The following PSME4 variants were observed in gnomAD, a reference collection of about 807,000 sequenced individuals.
PSME4 encodes the protein proteasome activator subunit 4, also known as proteasome activator complex subunit 4.
PSME4 carries 89 observed loss-of-function variants against 253.9 expected under a neutral mutation model. The ratio of observed to expected loss-of-function variants is 0.35; its 90% CI spans 0.30 to 0.42. The LOEUF (loss-of-function observed/expected upper bound fraction) is 0.42, where lower values mean the gene tolerates loss of function less well. PSME4 is among the 10% of genes least tolerant of loss of function. The pLI, the probability that PSME4 is intolerant of heterozygous loss-of-function variation, is 1.00. For missense variants in PSME4, 2,014 were observed against 2,195.2 expected, an observed-to-expected ratio of 0.92 and a Z score of 1.65; for synonymous variants, 851 against 759.2, an observed-to-expected ratio of 1.12 and a Z score of -1.99.
chr2:53,937,133 T>C (rs1383797385), intron 5 of PSME4, among the ~76,000 whole-genome samples: 2 of 152,200 alleles, frequency 1.3e-5, no homozygotes, highest in African/African-American at 4.8e-5. Flanking sequence ...TCCTTTTATC[T>C]GTTTTCCTGT....
chr2:53,868,496 T>A (rs1168391315), intron 44 of PSME4, among the ~76,000 whole-genome samples: 4 of 36,526 alleles, frequency 1.1e-4, no homozygotes, highest in Non-Finnish European at 2.0e-4. Flanking sequence ...TATATATATA[T>A]GATATATATT....
chr2:53,948,661 C>A, intron 2 of PSME4, 124 bp from the exon 3 acceptor site: 1 of 669,768 alleles, frequency 1.5e-6, no homozygotes, highest in Non-Finnish European at 2.6e-6. Context: ...CTTTCCCCAT[C>A]CATGGCCACT....
At chr2:53,914,577 T>C (rs954373523) in intron 20 of PSME4, among the ~76,000 whole-genome samples, 2 of 152,198 alleles carry the variant, frequency 1.3e-5, no homozygotes, top group African/African-American at 4.8e-5. Flanking sequence ...CTGTAAAGTT[T>C]ATAGTAAGTA....
At chr2:53,887,558 T>A in intron 39 of PSME4, 91 bp from the exon 40 acceptor site, 1 of 1,183,602 alleles carries the variant, frequency 8.4e-7, no homozygotes, top group Non-Finnish European at 1.2e-6. Flanking sequence ...AAGTAAACTG[T>A]CCCAAGACAA....
At chr2:53,952,093 A>G (rs144350508) in intron 1 of PSME4, among the ~76,000 whole-genome samples, 1,580 of 152,330 alleles carry the variant, frequency 0.01, 16 homozygotes, top group Non-Finnish European at 0.015. Flanking sequence ...GACAGAAGAC[A>G]TCAAAGAAAA....
At position 53,936,812 on chromosome 2, in the gene PSME4, T is replaced by C; in HGVS notation, c.711A>G (p.Glu237=). ...GCACTGAAACCCAAAGGCCAATTAA[T>C]TCATCAAACCAAAGTCTAAAGAAGA... ...HHKGFKLWFD[E]LIGLWVSVQN... is the part of the protein sequence containing the mutation. Residue 237 remains glutamate (E), a synonymous_variant, in exon 6 of 47, where the codon GAA becomes GAG. Transcript: ENST00000404125. 6.3e-7 allele frequency: 1 copy of C among 1,596,766 alleles called. No homozygotes were observed. The highest frequency in any genetic ancestry group is 8.5e-7 in the Non-Finnish European group (1 of 1,172,018).
intron 41 of PSME4, among the ~76,000 whole-genome samples, chr2:53,881,279 T>G (rs548855787): frequency 3.9e-5 from 6 of 152,234 alleles, no homozygotes; most frequent in Non-Finnish European, 8.8e-5. Flanking sequence ...CCACAATATC[T>G]GTACATTCTT....
intron 1 of PSME4, among the ~76,000 whole-genome samples, chr2:53,954,236 G>A (rs967218382): frequency 6.6e-6 from 1 of 152,158 alleles, no homozygotes; most frequent in African/African-American, 2.4e-5. Flanking sequence ...TCTGAGGCAG[G>A]AGAATCGCTT....
intron 11 of PSME4, 63 bp from the exon 12 acceptor site, chr2:53,927,546 C>A: frequency 8.9e-7 from 1 of 1,123,684 alleles, no homozygotes; most frequent in South Asian, 1.3e-5. Context: ...ACAAGTATAC[C>A]ATGAACTACA....
intron 14 of PSME4, among the ~76,000 whole-genome samples, 187 bp downstream of exon 14, chr2:53,925,352 T>G (rs1668516044): frequency 6.6e-6 from 1 of 152,162 alleles, no homozygotes; most frequent in African/African-American, 2.4e-5. Flanking sequence ...TGCAAATAGT[T>G]AGAGCAAACA....
At chr2:53,867,501 G>GAAAAAAAAAAAAAAA (rs1223931718) in intron 44 of PSME4, among the ~76,000 whole-genome samples, 1 of 113,442 alleles carries the variant, frequency 8.8e-6, no homozygotes, top group Non-Finnish European at 1.7e-5. Flanking sequence ...TCCGTCTCAA[G>GAAAAAAAAAAAAAAA]GAAAAAAAAA....
chr2:53,945,199 C>G (rs1011444104), intron 3 of PSME4, among the ~76,000 whole-genome samples: 7 of 152,116 alleles, frequency 4.6e-5, no homozygotes, highest in Non-Finnish European at 5.9e-5. Context: ...GTAGCAACAC[C>G]ATTAGTATGT....
At chr2:53,970,111 G>A (rs1337395527) in intron 1 of PSME4, among the ~76,000 whole-genome samples, 1 of 152,198 alleles carries the variant, frequency 6.6e-6, no homozygotes, top group Non-Finnish European at 1.5e-5. Flanking sequence ...CGTAGGGGAA[G>A]GAAGAACCGG....
intron 45 of PSME4, among the ~76,000 whole-genome samples, chr2:53,866,464 T>C (rs940203515): frequency 1.3e-5 from 2 of 152,168 alleles, no homozygotes; most frequent in Non-Finnish European, 2.9e-5. Context: ...GCTAGAAAAA[T>C]AGAAACATAA....
intron 41 of PSME4, among the ~76,000 whole-genome samples, chr2:53,884,688 G>A (rs954045851): frequency 8.6e-5 from 13 of 151,994 alleles, no homozygotes; most frequent in African/African-American, 1.9e-4. Context: ...TTCTATATCC[G>A]CTTGGTATGT....
chr2:53,963,257 T>C (rs1029243009), intron 1 of PSME4, among the ~76,000 whole-genome samples: 1 of 151,600 alleles, frequency 6.6e-6, no homozygotes, highest in Non-Finnish European at 1.5e-5. Context: ...GGCCAGGAGC[T>C]CAAGGTTAAA....
intron 1 of PSME4, among the ~76,000 whole-genome samples, chr2:53,966,989 A>G (rs1200748700): frequency 1.3e-5 from 2 of 152,118 alleles, no homozygotes; most frequent in African/African-American, 4.8e-5. Context: ...TAACAAAATC[A>G]AGTTTTAAGA....
intron 1 of PSME4, among the ~76,000 whole-genome samples, chr2:53,958,212 C>T (rs973252501): frequency 1.3e-5 from 2 of 149,884 alleles, no homozygotes; most frequent in African/African-American, 4.9e-5. Flanking sequence ...AAAAATTAGC[C>T]GGGCATGGTG....
chr2:53,887,965 G>C lies in PSME4; in HGVS notation c.4413C>G (p.Gly1471=). The C allele has an allele frequency of 6.2e-7, 1 of 1,612,558 alleles. No individual in the cohort carries two copies. The highest frequency in any genetic ancestry group is 8.5e-7 in the Non-Finnish European group (1 of 1,179,206). ...GCACTCTCCATTCTTGCTGGGCAAG[G>C]CCACCTTGTAGTACATAAAGTCGAC... is the stretch of plus-strand genomic sequence containing the variant. ...DACRLYVLQG[G]LAQQEWRVPE... is the part of the protein sequence containing the mutation. The change falls in exon 39 of 47, where the codon GGC becomes GGG. Residue 1471 remains glycine, a synonymous_variant. Coordinates refer to ENST00000404125, the MANE Select transcript of PSME4 (RefSeq NM_014614.3).
Sources: gnomAD v4.1 joint callset for allele counts (sites outside exome capture counted in the v4.1 genomes callset) on GRCh38, gnomAD v4.1.1 for gene constraint, MANE v1.5 for transcripts, NCBI Gene and HGNC (gene_info 2026-07-23, HGNC 2026-07-21) for gene names.